Variants in ASAP3 observed in about 807,000 individuals in gnomAD.
ASAP3 encodes ArfGAP with SH3 domain, ankyrin repeat and PH domain 3, also known as arf-GAP with SH3 domain, ANK repeat and PH domain-containing protein 3.
Under a neutral mutation model 118.2 loss-of-function variants are expected in ASAP3, and 85 were observed. The observed-to-expected ratio is 0.72, with a 90% CI of 0.60 to 0.86. The LOEUF is 0.86. ASAP3 is among the 40% of genes least tolerant of loss of function. The pLI is 0.00. For synonymous variants in ASAP3, 432 were observed against 477.4 expected, an observed-to-expected ratio of 0.90 and a Z score of 1.24; for missense variants, 1,026 against 1,175.0, an observed-to-expected ratio of 0.87 and a Z score of 1.85.
chr1:23,472,350 G>C (rs900050130), intron 1 of ASAP3, among the ~76,000 whole-genome samples: 1 of 152,106 alleles, frequency 6.6e-6, no homozygotes, highest in African/African-American at 2.4e-5. Context: ...TTTTGTTTTC[G>C]TAGAGACAGG....
Position 23,429,573 on chromosome 1 carries a change from C to G in ASAP3, c.*283G>C, listed in dbSNP as rs1295545148. 2 of 297,674 alleles carry G rather than the reference C, an allele frequency of 6.7e-6. No individual in the cohort carries two copies. The highest frequency in any genetic ancestry group is 1.3e-5 in the Non-Finnish European group (2 of 158,046). The allele number at this position is 297,674 out of a possible 1,614,324, so 18.4% of individuals were successfully genotyped here. A position where few individuals can be genotyped will look rare whatever the true frequency, so the allele number is the denominator to read the frequency against. On this transcript the variant is annotated 3_prime_UTR_variant, in exon 25 of 25. Coordinates refer to ENST00000336689, the MANE Select transcript of ASAP3 (RefSeq NM_017707.4). Reference sequence around the variant, plus strand: ...ATCTGATGAGGGACTGAGAGTTCTGCAGCTGAAGCCAGCTCAGGAGCACTC... The same window carrying G: ...ATCTGATGAGGGACTGAGAGTTCTGGAGCTGAAGCCAGCTCAGGAGCACTC...
Position 23,484,164 on chromosome 1 carries a change from G to GA in ASAP3, c.-32_-31insT. On this transcript the variant is annotated 5_prime_UTR_variant, in exon 1 of 25. Transcript: ENST00000336689. ...GCGCGAGCGTGGAGCTGCCGGAGCG[G>GA]GGCGCGGGGGGCACTGAGCTGCTCC... is the stretch of plus-strand genomic sequence containing the variant. The GA allele has an allele frequency of 8.0e-7, 1 of 1,252,216 alleles. No homozygotes were observed. The allele number at this position is 1,252,216 out of a possible 1,614,324, so 77.6% of individuals were successfully genotyped here. A position where few individuals can be genotyped will look rare whatever the true frequency, so the allele number is the denominator to read the frequency against.
chr1:23,471,296 C>G (rs1012300354), intron 1 of ASAP3, among the ~76,000 whole-genome samples: 4 of 152,180 alleles, frequency 2.6e-5, no homozygotes, highest in Non-Finnish European at 5.9e-5. Context: ...AGGTCACCCC[C>G]TCCCCACCAC....
chr1:23,445,058 G>A (rs1365571061), intron 5 of ASAP3, among the ~76,000 whole-genome samples: 2 of 151,466 alleles, frequency 1.3e-5, no homozygotes, highest in Admixed American at 6.6e-5. Context: ...AGTGGTAGAA[G>A]TAGGGTAGGA....
intron 1 of ASAP3, among the ~76,000 whole-genome samples, chr1:23,483,159 C>T (rs1642365399): frequency 6.6e-6 from 1 of 152,196 alleles, no homozygotes; most frequent in African/African-American, 2.4e-5. Flanking sequence ...GTGCCTAGTA[C>T]ACTTAAGGTG....
chr1:23,484,351 T>G (rs1642441816), upstream of ASAP3: 2 of 391,872 alleles, frequency 5.1e-6, no homozygotes, highest in Non-Finnish European at 7.9e-6. Flanking sequence ...AGGTCCAGGC[T>G]CCGGCCCCGG....
chr1:23,456,026 C>G lies in ASAP3; in HGVS notation c.203G>C (p.Gly68Ala). The stretch of plus-strand genomic sequence containing the variant: ...GTACTGCTCTTCATTCTCCACATGG[C>G]CTGTGGAGGTACAGACGGGAGCTTG... The part of the protein sequence containing the change: ...AVRAIHSSGL[G>A]HVENEEQYRE... The change falls in exon 3 of 25, where the codon GGC (glycine) becomes GCC (alanine). Residue 68 changes from glycine to alanine, a missense_variant and splice_region_variant. Coordinates refer to ENST00000336689, the MANE Select transcript of ASAP3 (RefSeq NM_017707.4). 1 of 1,614,040 alleles carries G rather than the reference C, an allele frequency of 6.2e-7. No homozygotes were observed. Among genetic ancestry groups the G allele is most frequent in the Non-Finnish European group, 8.5e-7 (1 of 1,179,974 alleles).
chr1:23,462,690 C>T (rs145604936), intron 1 of ASAP3, among the ~76,000 whole-genome samples: 92 of 152,054 alleles, frequency 6.1e-4, no homozygotes, highest in African/African-American at 1.9e-3. Context: ...ACCTGGGAGG[C>T]GGAGGCTGCA....
intron 7 of ASAP3, 47 bp from the exon 8 acceptor site, chr1:23,441,777 T>C: frequency 3.7e-6 from 6 of 1,603,856 alleles, no homozygotes; most frequent in African/African-American, 1.3e-5. Flanking sequence ...AAGATGGAAA[T>C]GAGAGATGAA....
At chr1:23,432,098 C>T (rs1439103597) in intron 22 of ASAP3, among the ~76,000 whole-genome samples, 180 bp from the exon 23 acceptor site, 1 of 151,446 alleles carries the variant, frequency 6.6e-6, no homozygotes, top group African/African-American at 2.4e-5. Context: ...CCTCCGCCTC[C>T]CAGGTTCAAG....
chr1:23,468,521 G>A (rs1259696784), intron 1 of ASAP3, among the ~76,000 whole-genome samples: 1 of 152,058 alleles, frequency 6.6e-6, no homozygotes, highest in Non-Finnish European at 1.5e-5. Flanking sequence ...GGTCTCTGAC[G>A]CCAGTGTCCA....
intron 3 of ASAP3, among the ~76,000 whole-genome samples, chr1:23,455,322 G>A (rs1011089239): frequency 2.6e-5 from 4 of 152,216 alleles, no homozygotes; most frequent in African/African-American, 9.6e-5. Flanking sequence ...TTGAGGAAAG[G>A]ACTTGAAGGA....
intron 23 of ASAP3, among the ~76,000 whole-genome samples, chr1:23,431,407 G>A (rs774860184): frequency 5.3e-5 from 8 of 152,212 alleles, no homozygotes; most frequent in Non-Finnish European, 8.8e-5. Context: ...ACAGAGTGAA[G>A]ACCCCACTGA....
intron 10 of ASAP3, among the ~76,000 whole-genome samples, chr1:23,440,309 G>A (rs2148615176): frequency 6.7e-6 from 1 of 148,222 alleles, no homozygotes; most frequent in South Asian, 2.1e-4. Context: ...AGACCATCCT[G>A]GCTAACACGG....
chr1:23,433,045 T>C (rs754318591), intron 22 of ASAP3, 32 bp downstream of exon 22: 1 of 1,611,942 alleles, frequency 6.2e-7, no homozygotes, highest in Non-Finnish European at 8.5e-7. Flanking sequence ...GTGAATGGCA[T>C]GGTGAGCATT....
At chr1:23,457,603 G>A (rs1641429758) in intron 1 of ASAP3, among the ~76,000 whole-genome samples, 1 of 152,142 alleles carries the variant, frequency 6.6e-6, no homozygotes, top group Non-Finnish European at 1.5e-5. Flanking sequence ...TGCAACCTCT[G>A]CCTGCCAGGT....
At chr1:23,478,763 AAAAAAAT>A (rs1348795869) in intron 1 of ASAP3, among the ~76,000 whole-genome samples, 27 of 152,266 alleles carry the variant, frequency 1.8e-4, no homozygotes, top group African/African-American at 5.5e-4. Context: ...CTGTCTCAAA[AAAAAAAT>A]AAAAAATAAA....
intron 5 of ASAP3, among the ~76,000 whole-genome samples, chr1:23,448,701 A>G (rs1641120940): frequency 1.3e-5 from 2 of 152,156 alleles, no homozygotes; most frequent in Non-Finnish European, 2.9e-5. Context: ...TCCTGAGCCC[A>G]AGTGATCCTC....
chr1:23,441,119 T>C lies in ASAP3; in HGVS notation c.927A>G (p.Leu309=), dbSNP rs887098606. 1.9e-6 allele frequency: 3 copies of C among 1,614,082 alleles called. No individual in the cohort carries two copies. Among genetic ancestry groups the C allele is most frequent in the Admixed American group, 1.7e-5 (1 of 60,010 alleles). Reference sequence around the variant, plus strand: ...TCACTTACCCGTCACTTTTCTTGTATAGAAAGCCCACTTTCTCCGTCCCAA... The same window carrying C: ...TCACTTACCCGTCACTTTTCTTGTACAGAAAGCCCACTTTCTCCGTCCCAA... The part of the protein sequence containing the change: ...KQFGTEKVGF[L]YKKSDGIRRV... Residue 309 remains leucine, a synonymous_variant, in exon 10 of 25, where the codon CTA becomes CTG. Coordinates refer to ENST00000336689, the MANE Select transcript of ASAP3 (RefSeq NM_017707.4).
Sources: gnomAD v4.1 joint callset for allele counts (sites outside exome capture counted in the v4.1 genomes callset) on GRCh38, gnomAD v4.1.1 for gene constraint, MANE v1.5 for transcripts, NCBI Gene and HGNC (gene_info 2026-07-23, HGNC 2026-07-21) for gene names.